CDH13: variants seen among roughly 807,000 people sequenced by gnomAD.
The protein encoded by CDH13 is cadherin-13.
Under a neutral mutation model 63.8 loss-of-function variants are expected in CDH13, and 24 were observed. The observed-to-expected ratio is 0.38, with a 90% CI of 0.27 to 0.53. The LOEUF (loss-of-function observed/expected upper bound fraction) is 0.53. Ranked by LOEUF, CDH13 falls within the 20% of genes least tolerant of loss-of-function variation. The pLI, the probability that CDH13 is intolerant of heterozygous loss-of-function variation, is 0.85. For missense variants in CDH13, 1,049 were observed against 903.1 expected (o/e 1.16, Z -2.07); for synonymous variants, 503 against 355.3 (o/e 1.42, Z -4.67).
At chr16:83,713,241 A>T (rs1326698873) in intron 10 of CDH13, among the ~76,000 whole-genome samples, 1 of 152,142 alleles carries the variant, frequency 6.6e-6, no homozygotes, top group African/African-American at 2.4e-5. Context: ...TCCTTCATGG[A>T]CGCATTGATA....
At chr16:83,713,712 A>T (rs562062379) in intron 10 of CDH13, among the ~76,000 whole-genome samples, 1 of 152,222 alleles carries the variant, frequency 6.6e-6, no homozygotes, top group East Asian at 1.9e-4. Context: ...TGTGGTTTTA[A>T]CCAGAACTCG....
At chr16:83,345,942 A>C (rs924978379) in intron 6 of CDH13, among the ~76,000 whole-genome samples, 1 of 152,000 alleles carries the variant, frequency 6.6e-6, no homozygotes. Flanking sequence ...AATTGATGGG[A>C]TCTATCAGTG....
In CDH13 at chr16:83,589,601, G is replaced by A. The variant is rs571240793; in HGVS notation, c.961-12853G>A. Among the ~76,000 whole-genome samples, 4 of 152,046 alleles carry A rather than the reference G, an allele frequency of 2.6e-5. No individual in the cohort carries two copies. In the East Asian group the frequency reaches 7.8e-4, roughly 30 times the overall value. On this transcript the variant is annotated intron_variant, in intron 7 of 13. Transcript: ENST00000567109. Reference sequence around the variant, plus strand: ...CCATCTTTGATAGATGTTTTTCTGTGTGCCATAGAAGATACGAGAGCTTCT... The same window carrying A: ...CCATCTTTGATAGATGTTTTTCTGTATGCCATAGAAGATACGAGAGCTTCT...
At chr16:83,031,190 CATATACATGCGCAT>C in intron 2 of CDH13, among the ~76,000 whole-genome samples, 1 of 143,476 alleles carries the variant, frequency 7.0e-6, no homozygotes, top group Admixed American at 6.8e-5. Flanking sequence ...ATGTATACAC[CATATACATGCGCAT>C]GTATACACCA....
At chr16:83,693,164 C>G (rs1254799056) in intron 10 of CDH13, among the ~76,000 whole-genome samples, 1 of 152,166 alleles carries the variant, frequency 6.6e-6, no homozygotes, top group Non-Finnish European at 1.5e-5. Flanking sequence ...CACAAATCCC[C>G]ACTTGTCCAT....
chr16:82,791,129 C>T (rs955595787), intron 1 of CDH13, among the ~76,000 whole-genome samples: 7 of 151,620 alleles, frequency 4.6e-5, no homozygotes, highest in East Asian at 1.9e-4. Context: ...TCCAGCTACT[C>T]GGGAGGCTGA....
At chr16:82,745,343 A>G (rs906471814) in intron 1 of CDH13, among the ~76,000 whole-genome samples, 37 of 152,202 alleles carry the variant, frequency 2.4e-4, no homozygotes, top group Non-Finnish European at 5.9e-5. Context: ...TTGACATTTT[A>G]AACATGATTT....
intron 2 of CDH13, among the ~76,000 whole-genome samples, chr16:82,889,290 T>C (rs2040995798): frequency 7.0e-6 from 1 of 143,844 alleles, no homozygotes; most frequent in Non-Finnish European, 1.5e-5. Context: ...TGCTTGTCTG[T>C]CTCTCTATTA....
chr16:83,038,281 C>G (rs1290879628), intron 3 of CDH13, among the ~76,000 whole-genome samples: 4 of 152,164 alleles, frequency 2.6e-5, no homozygotes, highest in African/African-American at 9.7e-5. Flanking sequence ...GTCTCACCTG[C>G]AAAACATATA....
intron 1 of CDH13, among the ~76,000 whole-genome samples, chr16:82,667,683 C>T (rs1567607103): frequency 1.3e-5 from 2 of 152,128 alleles, no homozygotes; most frequent in Admixed American, 6.5e-5. Flanking sequence ...GAAGGCGAAG[C>T]AGTGCACCCA....
intron 2 of CDH13, among the ~76,000 whole-genome samples, chr16:82,905,059 G>A (rs1310686635): frequency 1.3e-5 from 2 of 152,108 alleles, no homozygotes; most frequent in African/African-American, 4.8e-5. Flanking sequence ...GAAGCATCTC[G>A]CTGAGTCTGA....
chr16:83,361,106 T>C (rs986399799), intron 6 of CDH13, among the ~76,000 whole-genome samples: 3 of 152,306 alleles, frequency 2.0e-5, no homozygotes, highest in African/African-American at 7.2e-5. Flanking sequence ...TCTGTTGCTT[T>C]TTGACTTTTT....
At chr16:83,615,545 C>G (rs1909213834) in intron 8 of CDH13, among the ~76,000 whole-genome samples, 1 of 152,010 alleles carries the variant, frequency 6.6e-6, no homozygotes, top group Non-Finnish European at 1.5e-5. Context: ...AATCACATAT[C>G]TGACAGTTTT....
At chr16:83,503,867 C>A (rs1478376914) in intron 7 of CDH13, among the ~76,000 whole-genome samples, 6 of 150,902 alleles carry the variant, frequency 4.0e-5, no homozygotes, top group Admixed American at 1.3e-4. Context: ...ATGATAGTTT[C>A]TTTTGCTGTG....
chr16:82,937,695 A>T (rs935906306), intron 2 of CDH13, among the ~76,000 whole-genome samples: 1 of 152,164 alleles, frequency 6.6e-6, no homozygotes, highest in Non-Finnish European at 1.5e-5. Flanking sequence ...CAGGAACTTC[A>T]TTTTTTCTAT....
chr16:83,057,612 C>G (rs1441352115), intron 3 of CDH13, among the ~76,000 whole-genome samples: 2 of 150,410 alleles, frequency 1.3e-5, no homozygotes, highest in African/African-American at 4.9e-5. Flanking sequence ...AGGCTCACCA[C>G]TGAGGCTGTA....
At chr16:83,183,840 T>A (rs1302351828) in intron 4 of CDH13, among the ~76,000 whole-genome samples, 2 of 152,126 alleles carry the variant, frequency 1.3e-5, no homozygotes, top group Non-Finnish European at 2.9e-5. Flanking sequence ...GTCCTTCAAA[T>A]AAAATCTAAT....
At chr16:83,766,324 T>C (rs1914384773) in intron 11 of CDH13, among the ~76,000 whole-genome samples, 1 of 152,240 alleles carries the variant, frequency 6.6e-6, no homozygotes, top group African/African-American at 2.4e-5. Flanking sequence ...TACATATTTG[T>C]TTTTTAAATC....
chr16:83,608,660 A>ATTTTTTTT (rs754678790), intron 8 of CDH13, among the ~76,000 whole-genome samples: 4 of 109,918 alleles, frequency 3.6e-5, no homozygotes, highest in East Asian at 2.6e-4. Context: ...TAATTTTTGT[A>ATTTTTTTT]TTTTTTTTTT....
Sources: gnomAD v4.1 joint callset for allele counts (sites outside exome capture counted in the v4.1 genomes callset) on GRCh38, gnomAD v4.1.1 for gene constraint, MANE v1.5 for transcripts, NCBI Gene and HGNC (gene_info 2026-07-23, HGNC 2026-07-21) for gene names.